MIS18BP1: variants seen among roughly 807,000 people sequenced by gnomAD.
MIS18BP1 encodes mis18-binding protein 1.
In MIS18BP1, 72 loss-of-function variants were observed where a neutral mutation model predicts 116.1. The ratio of observed to expected loss-of-function variants is 0.62; its 90% CI spans 0.51 to 0.75. MIS18BP1 has a LOEUF of 0.75. MIS18BP1 is among the 30% of genes least tolerant of loss of function. The probability of loss-of-function intolerance (pLI) is 0.00; values close to 1 mark genes in which losing one functional copy is unlikely to be tolerated. For missense variants in MIS18BP1, 1,363 were observed against 1,303.2 expected (o/e 1.05, Z -0.71); for synonymous variants, 386 against 427.0 (o/e 0.90, Z 1.18).
At chr14:45,233,235 GGGAAA>G (rs1405137470) in intron 6 of MIS18BP1, among the ~76,000 whole-genome samples, 3 of 152,118 alleles carry the variant, frequency 2.0e-5, no homozygotes, top group Non-Finnish European at 4.4e-5. Flanking sequence ...AAAACATAAA[GGGAAA>G]GGCAAGAGTA....
Position 45,247,219 on chromosome 14 carries a change from T to A in MIS18BP1, c.68A>T (p.Asn23Ile), listed in dbSNP as rs764400571. 5 of 1,611,966 alleles carry A rather than the reference T, an allele frequency of 3.1e-6. No homozygotes were observed. The East Asian group carries it at 6.7e-5, about 22-fold the overall frequency. ...AAAAAAGATTGCATCCATGGGTAGATTTCTCCTTTGAGAAGATGCCTCTGG... is the reference window on the plus strand; with the variant it reads ...AAAAAAGATTGCATCCATGGGTAGAATTCTCCTTTGAGAAGATGCCTCTGG... ...LPPEASSQRRNLPMDAIFFDS... is the reference protein window; with the variant it reads ...LPPEASSQRRILPMDAIFFDS... Residue 23 changes from asparagine (N) to isoleucine (I), a missense_variant, in exon 2 of 17, where the codon AAT becomes ATT. Asn to Ile is a moderately radical substitution (Grantham distance 149, BLOSUM62 -3). Coordinates refer to ENST00000310806, the MANE Select transcript of MIS18BP1 (RefSeq NM_018353.5).
At position 45,210,610 on chromosome 14, in the gene MIS18BP1, T is replaced by C. The variant is rs181802529; in HGVS notation, c.3004-82A>G. ...TCACAAAATAGTTTTGGAGGACTGA[T>C]AAGTTGGTTCTTCTTGTAACTTTCC... On this transcript the variant is annotated intron_variant, in intron 13 of 16. Coordinates refer to ENST00000310806, the MANE Select transcript of MIS18BP1 (RefSeq NM_018353.5). The C allele has an allele frequency of 6.5e-6, 10 of 1,532,036 alleles. No individual in the cohort carries two copies. In the East Asian group the frequency reaches 2.3e-4, roughly 35 times the overall value. The allele number at this position is 1,532,036 out of a possible 1,614,324, so 94.9% of individuals were successfully genotyped here. A position where few individuals can be genotyped will look rare whatever the true frequency, so the allele number is the denominator to read the frequency against.
chr14:45,247,011 G>A lies in MIS18BP1; in HGVS notation c.276C>T (p.Ile92=), dbSNP rs539219142. The change falls in exon 2 of 17, where the codon ATC becomes ATT. Residue 92 remains isoleucine (I), a synonymous_variant. Transcript: ENST00000310806. ...EATTSNSSLD[I]SAIKPNKDGL... ...CATCCTTGTTGGGCTTTATAGCACT[G>A]ATATCAAGAGAACTGTTAGAGGTAG... The A allele has an allele frequency of 1.5e-4, 244 of 1,613,334 alleles. 3 individuals carry two copies. The South Asian group carries it at 2.5e-3, about 16-fold the overall frequency.
intron 15 of MIS18BP1, among the ~76,000 whole-genome samples, chr14:45,205,598 G>T (rs929634656): frequency 6.6e-6 from 1 of 152,020 alleles, no homozygotes; most frequent in African/African-American, 2.4e-5. Flanking sequence ...TCTGTAGTTG[G>T]ATTTTAAATG....
At chr14:45,235,688 G>T (rs1891409074) in intron 6 of MIS18BP1, 126 bp downstream of exon 6, 1 of 705,948 alleles carries the variant, frequency 1.4e-6, no homozygotes, top group Non-Finnish European at 2.1e-6. Context: ...TATAATATCA[G>T]TTGTTTTGAT....
chr14:45,217,951 T>G (rs1272423064), intron 12 of MIS18BP1, among the ~76,000 whole-genome samples: 2 of 152,182 alleles, frequency 1.3e-5, no homozygotes, highest in African/African-American at 4.8e-5. Context: ...AAACTGAATA[T>G]TTTCTGAGCT....
chr14:45,232,154 C>T (rs575913788), intron 7 of MIS18BP1, among the ~76,000 whole-genome samples: 2 of 152,180 alleles, frequency 1.3e-5, no homozygotes, highest in Non-Finnish European at 2.9e-5. Flanking sequence ...CGGTGTCTCA[C>T]GCCTATAATC....
chr14:45,224,470 T>A lies in MIS18BP1; in HGVS notation c.2117A>T (p.His706Leu). The A allele has an allele frequency of 6.2e-7, 1 of 1,613,956 alleles. No homozygotes were observed. The change falls in exon 11 of 17, where the codon CAT (histidine) becomes CTT (leucine). Residue 706 changes from histidine to leucine, a missense_variant. Transcript: ENST00000310806. ...MGTLENTFEG[H>L]KSKNKEDCDE... The stretch of plus-strand genomic sequence containing the variant: ...GCAATCTTCCTTGTTTTTACTTTTA[T>A]GACCTTCAAATGTATTTTCTAAAGT...
At chr14:45,228,936 G>T (rs918781487) in intron 8 of MIS18BP1, among the ~76,000 whole-genome samples, 1 of 151,984 alleles carries the variant, frequency 6.6e-6, no homozygotes, top group African/African-American at 2.4e-5. Flanking sequence ...GTTAGATGTG[G>T]TTTTGTTTTT....
At chr14:45,211,578 TA>T (rs1252694079) in intron 13 of MIS18BP1, among the ~76,000 whole-genome samples, 1 of 152,218 alleles carries the variant, frequency 6.6e-6, no homozygotes, top group African/African-American at 2.4e-5. Context: ...GCACAGATAA[TA>T]AAACTCTATC....
chr14:45,232,215 G>C lies in MIS18BP1; in HGVS notation c.1436+518C>G, dbSNP rs1891298224. 2.0e-5 allele frequency among the ~76,000 whole-genome samples: 3 copies of C among 151,802 alleles called. No individual in the cohort carries two copies. In the South Asian group the frequency reaches 6.2e-4, roughly 32 times the overall value. On this transcript the variant is annotated intron_variant, in intron 7 of 16. Transcript: ENST00000310806. ...GTGGATCAGGAGGTCAGGAGATCGA[G>C]ACCATCCTGGCTAACATGGTGAAAC...
At chr14:45,241,915 T>G in intron 4 of MIS18BP1, 119 bp downstream of exon 4, 1 of 1,062,480 alleles carries the variant, frequency 9.4e-7, no homozygotes, top group Admixed American at 2.4e-5. Context: ...CTGTTAATAA[T>G]GAAGCATACA....
rs770061542 is a variant in MIS18BP1 at position 45,218,258 on chromosome 14, AAAAC to A, written c.2842+20_2842+23del. ...GAAATCAACACTGAGTACTAGGAAA[AAAAC>A]TATTTACTACGAAGGTTACCATTTT... On this transcript the variant is annotated intron_variant, in intron 12 of 16. Coordinates refer to ENST00000310806, the MANE Select transcript of MIS18BP1 (RefSeq NM_018353.5). The A allele has an allele frequency of 6.2e-7, 1 of 1,606,340 alleles. No individual in the cohort carries two copies. The highest frequency in any genetic ancestry group is 8.5e-7 in the Non-Finnish European group (1 of 1,177,510).
chr14:45,230,900 C>A (rs1891255081), intron 8 of MIS18BP1, among the ~76,000 whole-genome samples: 1 of 152,150 alleles, frequency 6.6e-6, no homozygotes, highest in Non-Finnish European at 1.5e-5. Context: ...GGATTACAGG[C>A]ATAAGTCACT....
chr14:45,223,302 G>C (rs1891025118), intron 11 of MIS18BP1, among the ~76,000 whole-genome samples: 1 of 152,180 alleles, frequency 6.6e-6, no homozygotes, highest in African/African-American at 2.4e-5. Context: ...TGTTAGGCCG[G>C]GCACGGTGGC....
chr14:45,243,480 G>T (rs941331031), intron 2 of MIS18BP1, among the ~76,000 whole-genome samples: 2 of 151,916 alleles, frequency 1.3e-5, no homozygotes, highest in African/African-American at 4.8e-5. Context: ...TTACCTCCTA[G>T]ATTTTTAAAG....
At chr14:45,213,856 A>G (rs748929575) in intron 13 of MIS18BP1, among the ~76,000 whole-genome samples, 5 of 152,206 alleles carry the variant, frequency 3.3e-5, no homozygotes, top group African/African-American at 7.2e-5. Flanking sequence ...CTTAGCCCCA[A>G]TCCTGTGCTC....
In MIS18BP1 at chr14:45,246,746, T is replaced by G; in HGVS notation, c.541A>C (p.Arg181=). The part of the protein sequence containing the change: ...KSFQSDDSSL[R]ASVQGVPLES... ...TTAGCTAACACATAAAACTAACCTCTTAGTGAACTGTCATCTGACTGGAAT... is the reference window on the plus strand; with the variant it reads ...TTAGCTAACACATAAAACTAACCTCGTAGTGAACTGTCATCTGACTGGAAT... Residue 181 remains arginine (R), a synonymous_variant, in exon 2 of 17, where the codon AGA becomes CGA. Coordinates refer to ENST00000310806, the MANE Select transcript of MIS18BP1 (RefSeq NM_018353.5). The G allele has an allele frequency of 6.4e-7, 1 of 1,556,732 alleles. No homozygotes were observed. The highest frequency in any genetic ancestry group is 8.6e-7 in the Non-Finnish European group (1 of 1,159,528).
intron 10 of MIS18BP1, among the ~76,000 whole-genome samples, chr14:45,226,366 T>C (rs748067566): frequency 7.9e-5 from 12 of 152,182 alleles, no homozygotes; most frequent in Non-Finnish European, 1.2e-4. Flanking sequence ...AGCCTCTAAA[T>C]TATGGCATGC....
Sources: allele counts gnomAD v4.1 joint callset (sites outside exome capture counted in the v4.1 genomes callset), GRCh38; gene constraint gnomAD v4.1.1; transcripts MANE v1.5; gene names NCBI Gene and HGNC (gene_info 2026-07-23, HGNC 2026-07-21).